C6: variants seen among roughly 807,000 people sequenced by gnomAD.
The protein encoded by C6 is complement C6.
C6 carries 101 observed loss-of-function variants against 112.9 expected under a neutral mutation model. That is an observed-to-expected ratio of 0.89 (90% CI 0.76 to 1.06). The LOEUF (loss-of-function observed/expected upper bound fraction) is 1.06, where lower values mean the gene tolerates loss of function less well. C6 is among the 50% of genes least tolerant of loss of function. The probability of loss-of-function intolerance (pLI) is 0.00; values close to 1 mark genes in which losing one functional copy is unlikely to be tolerated. For missense variants in C6, 1,202 were observed against 1,104.6 expected, an observed-to-expected ratio of 1.09 and a Z score of -1.25; for synonymous variants, 431 against 384.1, an observed-to-expected ratio of 1.12 and a Z score of -1.43.
At chr5:41,144,557 A>G (rs554505789) in intron 17 of C6, among the ~76,000 whole-genome samples, 1 of 152,122 alleles carries the variant, frequency 6.6e-6, no homozygotes, top group African/African-American at 2.4e-5. Flanking sequence ...GTGGACCACA[A>G]TGTCTGACCA....
intron 9 of C6, among the ~76,000 whole-genome samples, chr5:41,166,856 A>T (rs1413968752): frequency 6.6e-6 from 1 of 152,122 alleles, no homozygotes; most frequent in Non-Finnish European, 1.5e-5. Context: ...TGTTACTTCA[A>T]AATAGCTATT....
At chr5:41,151,536 T>C (rs775755297) in intron 15 of C6, among the ~76,000 whole-genome samples, 2 of 152,172 alleles carry the variant, frequency 1.3e-5, no homozygotes, top group East Asian at 1.9e-4. Flanking sequence ...CGTAGATATA[T>C]AGGAATTTAG....
At chr5:41,175,758 A>G (rs1748787726) in intron 8 of C6, among the ~76,000 whole-genome samples, 1 of 152,236 alleles carries the variant, frequency 6.6e-6, no homozygotes, top group Admixed American at 6.5e-5. Context: ...TCCCCTAATT[A>G]CTTCTGCTCA....
In C6 at chr5:41,213,459, T is replaced by C. The variant is rs1752067462; in HGVS notation, c.-104A>G. On this transcript the variant is annotated 5_prime_UTR_variant, in exon 1 of 18. The change creates a new upstream start codon in the 5' untranslated region. Transcript: ENST00000337836. ...AGGTATGCAGAATGAAGAGGGTATA[T>C]ATGTTAATCCAAACAAAGCTTCTTT... The C allele has an allele frequency of 1.0e-6, 1 of 985,242 alleles. No individual in the cohort carries two copies. Among genetic ancestry groups the C allele is most frequent in the Admixed American group, 6.2e-5 (1 of 16,248 alleles). 61.0% of individuals were successfully genotyped at this position (985,242 alleles called of 1,614,324 possible).
chr5:41,168,929 G>A (rs1748197830), intron 9 of C6, among the ~76,000 whole-genome samples: 1 of 152,160 alleles, frequency 6.6e-6, no homozygotes, highest in Non-Finnish European at 1.5e-5. Flanking sequence ...ACCCAAGCAA[G>A]TAGTTCCTTA....
At chr5:41,205,509 G>A (rs1365206698) in intron 1 of C6, among the ~76,000 whole-genome samples, 1 of 152,140 alleles carries the variant, frequency 6.6e-6, no homozygotes, top group African/African-American at 2.4e-5. Context: ...GGAAAATCGG[G>A]ACACTCCCAC....
At position 41,182,645 on chromosome 5, in the gene C6, C is replaced by T. The variant is rs554566480; in HGVS notation, c.727-1086G>A. On this transcript the variant is annotated intron_variant, in intron 6 of 17. Coordinates refer to ENST00000337836, the MANE Select transcript of C6 (RefSeq NM_000065.5). ...AGATGCCTGCTGAATTTCTCCTCCT[C>T]TATTGTTTTCAATAAGGTATAGCTT... is the stretch of plus-strand genomic sequence containing the variant. Among the ~76,000 whole-genome samples, 5 of 152,316 alleles carry T rather than the reference C, an allele frequency of 3.3e-5. No individual in the cohort carries two copies. The South Asian group carries it at 1.0e-3, about 32-fold the overall frequency.
intron 15 of C6, among the ~76,000 whole-genome samples, chr5:41,153,594 G>A (rs535234532): frequency 3.7e-4 from 56 of 152,198 alleles, no homozygotes; most frequent in African/African-American, 1.2e-3. Flanking sequence ...TCTTTCACAC[G>A]TTATAAAAGC....
In C6 at chr5:41,201,120, A is replaced by T. The variant is rs1045796735; in HGVS notation, c.300+438T>A. On this transcript the variant is annotated intron_variant, in intron 3 of 17. Coordinates refer to ENST00000337836, the MANE Select transcript of C6 (RefSeq NM_000065.5). ...ATGTATAAGGTATATCTGAAACATA[A>T]ATGAATTTCATGTTTAGACTGTGTC... is the stretch of plus-strand genomic sequence containing the variant. 5.9e-5 allele frequency among the ~76,000 whole-genome samples: 9 copies of T among 151,858 alleles called. No homozygotes were observed. In the South Asian group the frequency reaches 1.7e-3, roughly 28 times the overall value.
At chr5:41,240,849 C>T (rs991418840) in intron 1 of C6, among the ~76,000 whole-genome samples, 3 of 152,092 alleles carry the variant, frequency 2.0e-5, no homozygotes, top group African/African-American at 7.2e-5. Flanking sequence ...TTTAGGTCTC[C>T]CCTCCATAGT....
At chr5:41,234,364 G>GTTTTTTTTTT (rs70988840) in intron 1 of C6, among the ~76,000 whole-genome samples, 8 of 123,004 alleles carry the variant, frequency 6.5e-5, no homozygotes, top group African/African-American at 2.3e-4. Context: ...TTTGTTTTTT[G>GTTTTTTTTTT]TTTTTTTTTT....
Position 41,207,264 on chromosome 5 carries a change from T to C in C6, c.-20-4014A>G, listed in dbSNP as rs188562266. 3.1e-3 allele frequency among the ~76,000 whole-genome samples: 467 copies of C among 152,262 alleles called. 3 individuals are homozygous for C. The highest frequency in any genetic ancestry group is 0.01 in the African/African-American group (418 of 41,538). On this transcript the variant is annotated intron_variant, in intron 1 of 17. Transcript: ENST00000337836. Reference sequence around the variant, plus strand: ...GAAAGGAAAAACTGGTACCAGCCACTGCAAAAACATGCCAAATTGTAAAGA... The same window carrying C: ...GAAAGGAAAAACTGGTACCAGCCACCGCAAAAACATGCCAAATTGTAAAGA...
At chr5:41,156,283 C>T (rs1746899607) in intron 13 of C6, among the ~76,000 whole-genome samples, 1 of 152,226 alleles carries the variant, frequency 6.6e-6, no homozygotes, top group East Asian at 1.9e-4. Context: ...TCAAATAGAA[C>T]ATCCTTTGCA....
intron 1 of C6, 51 bp downstream of exon 1, chr5:41,213,325 T>C (rs1195837064): frequency 3.7e-6 from 3 of 801,942 alleles, no homozygotes; most frequent in African/African-American, 3.7e-5. Context: ...GGAAACATGA[T>C]TAACAATTTT....
At chr5:41,256,058 G>A (rs1439961466) in intron 1 of C6, among the ~76,000 whole-genome samples, 9 of 152,232 alleles carry the variant, frequency 5.9e-5, no homozygotes, top group Middle Eastern at 3.4e-3. Flanking sequence ...AGATTCTTGC[G>A]ATAGTTTACT....
At chr5:41,201,388 C>T (rs551284407) in intron 3 of C6, among the ~76,000 whole-genome samples, 170 bp downstream of exon 3, 1 of 151,936 alleles carries the variant, frequency 6.6e-6, no homozygotes, top group Non-Finnish European at 1.5e-5. Flanking sequence ...TAAAATAAAC[C>T]CCCTCTTCCC....
intron 1 of C6, among the ~76,000 whole-genome samples, chr5:41,240,723 C>T (rs1425811175): frequency 1.3e-5 from 2 of 152,064 alleles, no homozygotes; most frequent in Non-Finnish European, 2.9e-5. Flanking sequence ...GTTTTCTGGG[C>T]TTGTGGTTGG....
intron 16 of C6, 71 bp from the exon 17 acceptor site, chr5:41,149,553 A>G: frequency 6.3e-7 from 1 of 1,594,384 alleles, no homozygotes; most frequent in Non-Finnish European, 8.6e-7. Flanking sequence ...TAGCCAATGT[A>G]GTGTGTTCAC....
At chr5:41,229,334 T>C (rs955173383) in intron 1 of C6, among the ~76,000 whole-genome samples, 2 of 123,008 alleles carry the variant, frequency 1.6e-5, no homozygotes, top group African/African-American at 8.6e-5. Flanking sequence ...CATTCAGAAC[T>C]TTTTTTTTTT....
Sources: gnomAD v4.1 joint callset for allele counts (sites outside exome capture counted in the v4.1 genomes callset) on GRCh38, gnomAD v4.1.1 for gene constraint, MANE v1.5 for transcripts, NCBI Gene and HGNC (gene_info 2026-07-23, HGNC 2026-07-21) for gene names.